The following STARD13 variants were observed in gnomAD, a reference collection of about 807,000 sequenced individuals.
The protein encoded by STARD13 is StAR related lipid transfer domain containing 13.
In STARD13, 62 loss-of-function variants were observed where a neutral mutation model predicts 106.4. That is an observed-to-expected ratio of 0.58 (90% CI 0.48 to 0.72). The LOEUF (loss-of-function observed/expected upper bound fraction) is 0.72. Ranked by LOEUF, STARD13 falls within the 30% of genes least tolerant of loss-of-function variation. STARD13 has a pLI of 0.00. For synonymous variants in STARD13, 565 were observed against 553.0 expected (o/e 1.02, Z -0.31); for missense variants, 1,387 against 1,424.0 (o/e 0.97, Z 0.42).
chr13:33,163,261 G>C (rs1270767696), intron 3 of STARD13, among the ~76,000 whole-genome samples: 3 of 151,914 alleles, frequency 2.0e-5, no homozygotes, highest in Non-Finnish European at 4.4e-5. Context: ...GATAAGATTT[G>C]GGTGGGGACA....
At chr13:33,514,151 AAC>A in the STARD13 span, among the ~76,000 whole-genome samples, 1 of 152,164 alleles carries the variant, frequency 6.6e-6, no homozygotes, top group African/African-American at 2.4e-5. Flanking sequence ...AGATTAAATA[AAC>A]AGTTGGGAAA....
At chr13:33,400,667 G>A in the STARD13 span, among the ~76,000 whole-genome samples, 2,451 of 152,126 alleles carry the variant, frequency 0.016, 63 homozygotes, top group African/African-American at 0.054. Context: ...GTTTCACTGT[G>A]TTAGCCAGGA....
rs1251445144 is a variant in STARD13 at position 33,127,500 on chromosome 13, C to A, written c.1795G>T (p.Ala599Ser). 6 of 1,582,956 alleles carry A rather than the reference C, an allele frequency of 3.8e-6. No individual in the cohort carries two copies. Among genetic ancestry groups the A allele is most frequent in the Non-Finnish European group, 5.1e-6 (6 of 1,170,862 alleles). ...CTGCTGATGTGGGGCGATGCTGGGG[C>A]CGGCCGGGGCTGGTGCGACAGCTGG... ...SFQLSHQPRP[A>S]PASPHISSQT... The change falls in exon 6 of 14, where the codon GCC becomes TCC. Residue 599 changes from alanine (A) to serine (S), a missense_variant. Coordinates refer to ENST00000336934, the MANE Select transcript of STARD13 (RefSeq NM_178006.4).
At chr13:33,256,587 AG>A (rs1214672376) in intron 1 of STARD13, among the ~76,000 whole-genome samples, 1 of 152,238 alleles carries the variant, frequency 6.6e-6, no homozygotes, top group East Asian at 1.9e-4. Flanking sequence ...TGGTAATCAT[AG>A]GGGTATTTTT....
chr13:33,131,225 C>T (rs1878242786), intron 4 of STARD13, among the ~76,000 whole-genome samples: 1 of 152,200 alleles, frequency 6.6e-6, no homozygotes, highest in South Asian at 2.1e-4. Context: ...TCGGATCCTG[C>T]TTCATCCTCA....
the STARD13 span, among the ~76,000 whole-genome samples, chr13:33,434,218 T>A: frequency 1.6e-4 from 25 of 151,748 alleles, no homozygotes; most frequent in Non-Finnish European, 5.9e-5. Flanking sequence ...CTGGGCATGG[T>A]GGTGTGCACC....
chr13:33,487,625 T>C, the STARD13 span, among the ~76,000 whole-genome samples: 2 of 152,194 alleles, frequency 1.3e-5, no homozygotes, highest in Non-Finnish European at 2.9e-5. Flanking sequence ...AGAAAGCTTT[T>C]AATTTGGGCA....
chr13:33,332,534 G>T (rs2077848136), intron 1 of STARD13, among the ~76,000 whole-genome samples: 1 of 152,068 alleles, frequency 6.6e-6, no homozygotes, highest in South Asian at 2.1e-4. Context: ...ACGGTTGTCT[G>T]CAGACTGCAA....
intron 8 of STARD13, chr13:33,113,145 T>C (rs1007166275): frequency 5.6e-6 from 3 of 536,588 alleles, no homozygotes; most frequent in African/African-American, 1.9e-5. Context: ...CCCTTGCAAT[T>C]GAACTTTGGA....
intron 1 of STARD13, among the ~76,000 whole-genome samples, chr13:33,291,807 T>C (rs1892305366): frequency 1.3e-5 from 2 of 152,352 alleles, no homozygotes; most frequent in African/African-American, 4.8e-5. Context: ...TAAGCACATA[T>C]ATTAGATCAT....
chr13:33,144,342 C>T (rs1880239208), intron 3 of STARD13, among the ~76,000 whole-genome samples: 1 of 150,972 alleles, frequency 6.6e-6, no homozygotes, highest in South Asian at 2.1e-4. Context: ...ATCACCAAAT[C>T]CTGTCAATTA....
At chr13:33,422,470 C>T in the STARD13 span, among the ~76,000 whole-genome samples, 21 of 152,258 alleles carry the variant, frequency 1.4e-4, no homozygotes, top group Non-Finnish European at 2.5e-4. Flanking sequence ...AAGAACATTC[C>T]ATGCTCATGG....
At chr13:33,498,555 G>C in the STARD13 span, among the ~76,000 whole-genome samples, 2 of 152,154 alleles carry the variant, frequency 1.3e-5, no homozygotes, top group African/African-American at 4.8e-5. Flanking sequence ...GAGATTGAAT[G>C]AGTTTAAATG....
chr13:33,260,361 T>C (rs1430496243), intron 1 of STARD13, among the ~76,000 whole-genome samples: 1 of 152,244 alleles, frequency 6.6e-6, no homozygotes, highest in African/African-American at 2.4e-5. Context: ...CTGGGAGCTG[T>C]GCTCGCTGCA....
chr13:33,116,900 ACAT>A (rs1277101637), intron 8 of STARD13, among the ~76,000 whole-genome samples: 2 of 152,174 alleles, frequency 1.3e-5, no homozygotes, highest in East Asian at 3.9e-4. Flanking sequence ...CTCCTTAAAC[ACAT>A]TTTATACAGA....
At chr13:33,141,678 A>C (rs977511577) in intron 4 of STARD13, among the ~76,000 whole-genome samples, 3 of 152,180 alleles carry the variant, frequency 2.0e-5, no homozygotes, top group African/African-American at 7.2e-5. Flanking sequence ...TAGTGGGGGC[A>C]TCTTGACACA....
At chr13:33,497,603 G>A in the STARD13 span, among the ~76,000 whole-genome samples, 2 of 152,082 alleles carry the variant, frequency 1.3e-5, no homozygotes, top group African/African-American at 4.8e-5. Context: ...ATACAAACCT[G>A]TCAAGTTCAC....
chr13:33,163,613 T>TATATATATATAAAACATATATATATAAC (rs1566038514), intron 3 of STARD13, among the ~76,000 whole-genome samples: 6 of 132,134 alleles, frequency 4.5e-5, no homozygotes, highest in South Asian at 2.3e-4. Flanking sequence ...AAAATATATA[T>TATATATATATAAAACATATATATATAAC]ATATATATAT....
chr13:33,536,697 G>A, the STARD13 span, among the ~76,000 whole-genome samples: 2 of 152,214 alleles, frequency 1.3e-5, no homozygotes, highest in Admixed American at 6.5e-5. Context: ...CTCTTTTAAC[G>A]AACACTCAAC....
Sources: gnomAD v4.1 joint callset for allele counts (sites outside exome capture counted in the v4.1 genomes callset) on GRCh38, gnomAD v4.1.1 for gene constraint, MANE v1.5 for transcripts, NCBI Gene and HGNC (gene_info 2026-07-23, HGNC 2026-07-21) for gene names.